The following MRPS28 variants were observed in gnomAD, a reference collection of about 807,000 sequenced individuals.
MRPS28 encodes the protein small ribosomal subunit protein bS1m.
MRPS28 carries 7 observed loss-of-function variants against 10.8 expected under a neutral mutation model. That is an observed-to-expected ratio of 0.65 (90% CI 0.37 to 1.22). The LOEUF (loss-of-function observed/expected upper bound fraction) is 1.22, where lower values mean the gene tolerates loss of function less well. Among genes scored for constraint, MRPS28 ranks in the 50% most tolerant of loss-of-function variants. MRPS28 has a pLI of 0.02. For synonymous variants in MRPS28, 121 were observed against 93.3 expected, an observed-to-expected ratio of 1.30 and a Z score of -1.71; for missense variants, 265 against 232.9, an observed-to-expected ratio of 1.14 and a Z score of -0.90.
chr8:79,993,364 A>C (rs1808416634), intron 2 of MRPS28, among the ~76,000 whole-genome samples: 2 of 152,196 alleles, frequency 1.3e-5, no homozygotes, highest in Admixed American at 1.3e-4. Flanking sequence ...GGAATGATAG[A>C]GCTATACATA....
chr8:79,923,437 T>C (rs1586036723), intron 2 of MRPS28, among the ~76,000 whole-genome samples: 1 of 152,330 alleles, frequency 6.6e-6, no homozygotes, highest in South Asian at 2.1e-4. Context: ...ATTGCTGCTA[T>C]TCAACTCATT....
Position 79,922,146 on chromosome 8 carries a change from T to G in MRPS28, c.396-2998A>C, listed in dbSNP as rs143038719. On this transcript the variant is annotated intron_variant, in intron 2 of 2. Coordinates refer to ENST00000276585, the MANE Select transcript of MRPS28 (RefSeq NM_014018.3). ...TACGAAAGCAAAATGGAAAAATGTC[T>G]AAGTGTAAAGTACTCAGTATTTGGG... 5.5e-3 allele frequency among the ~76,000 whole-genome samples: 832 copies of G among 152,312 alleles called. 5 individuals carry two copies. The highest frequency in any genetic ancestry group is 0.019 in the African/African-American group (770 of 41,572).
chr8:80,007,214 T>A lies in MRPS28; in HGVS notation c.214-4034A>T, dbSNP rs563605638. 2.4e-4 allele frequency among the ~76,000 whole-genome samples: 36 copies of A among 152,248 alleles called. No homozygotes were observed. In the South Asian group the frequency reaches 5.2e-3, roughly 22 times the overall value. ...GATGCAGAAAAGGCCTTTGACAAAA[T>A]TCAACAACCCTTCATGCTAAAAACT... On this transcript the variant is annotated intron_variant, in intron 1 of 2. Coordinates refer to ENST00000276585, the MANE Select transcript of MRPS28 (RefSeq NM_014018.3).
At chr8:79,919,210 T>A in intron 2 of MRPS28, 62 bp from the exon 3 acceptor site, 2 of 1,279,880 alleles carry the variant, frequency 1.6e-6, no homozygotes, top group Non-Finnish European at 2.1e-6. Flanking sequence ...ACAACTAGTT[T>A]AATAACAACA....
At chr8:80,003,224 A>T in intron 1 of MRPS28, 44 bp from the exon 2 acceptor site, 2 of 1,306,424 alleles carry the variant, frequency 1.5e-6, no homozygotes, top group Non-Finnish European at 2.0e-6. Flanking sequence ...ACTCAACATG[A>T]AGGTATAATA....
At chr8:79,981,036 A>T (rs1807938564) in intron 2 of MRPS28, among the ~76,000 whole-genome samples, 1 of 152,176 alleles carries the variant, frequency 6.6e-6, no homozygotes, top group Non-Finnish European at 1.5e-5. Context: ...GAGCTTTAAA[A>T]ATTCATGCTG....
intron 2 of MRPS28, among the ~76,000 whole-genome samples, chr8:79,964,773 A>G (rs1171741591): frequency 6.6e-6 from 1 of 152,158 alleles, no homozygotes; most frequent in Non-Finnish European, 1.5e-5. Context: ...CCATGTGAGC[A>G]TTCAATAAAT....
intron 1 of MRPS28, among the ~76,000 whole-genome samples, chr8:80,020,247 C>T (rs1229076584): frequency 2.6e-5 from 4 of 152,148 alleles, no homozygotes; most frequent in Admixed American, 2.6e-4. Context: ...TCAGAGAAAA[C>T]AGATTGTAAA....
chr8:79,941,597 C>T (rs550194265), intron 2 of MRPS28, among the ~76,000 whole-genome samples: 1 of 152,280 alleles, frequency 6.6e-6, no homozygotes, highest in South Asian at 2.1e-4. Context: ...CCTTCTCAAT[C>T]AACATGCTGC....
intron 2 of MRPS28, among the ~76,000 whole-genome samples, chr8:79,940,956 A>G (rs1806751365): frequency 6.6e-6 from 1 of 152,212 alleles, no homozygotes; most frequent in Non-Finnish European, 1.5e-5. Context: ...CCTAAAAGGA[A>G]GCCATCATTT....
chr8:79,955,691 T>C (rs1184429686), intron 2 of MRPS28, among the ~76,000 whole-genome samples: 2 of 152,152 alleles, frequency 1.3e-5, no homozygotes, highest in Non-Finnish European at 2.9e-5. Context: ...GCCACTTATG[T>C]AGCACTATGC....
At chr8:79,919,825 T>C (rs1225694060) in intron 2 of MRPS28, among the ~76,000 whole-genome samples, 5 of 152,160 alleles carry the variant, frequency 3.3e-5, no homozygotes, top group East Asian at 1.9e-4. Context: ...CACTTTAAGT[T>C]TTAGGGTACA....
intron 2 of MRPS28, among the ~76,000 whole-genome samples, chr8:79,942,204 G>A (rs936150434): frequency 5.9e-5 from 9 of 152,122 alleles, no homozygotes; most frequent in African/African-American, 2.2e-4. Flanking sequence ...TAGTCCAAGA[G>A]GAAAGTGGAA....
intron 2 of MRPS28, among the ~76,000 whole-genome samples, chr8:79,952,301 T>C (rs752529913): frequency 3.4e-4 from 51 of 152,180 alleles, no homozygotes; most frequent in Non-Finnish European, 3.7e-4. Flanking sequence ...CAAGGAATAT[T>C]AGAAAGAAAA....
chr8:79,952,096 A>C (rs1807094053), intron 2 of MRPS28, among the ~76,000 whole-genome samples: 1 of 152,228 alleles, frequency 6.6e-6, no homozygotes, highest in South Asian at 2.1e-4. Context: ...AAGAATGCCC[A>C]TTCCTTTAAG....
chr8:79,983,027 T>C (rs528089155), intron 2 of MRPS28, among the ~76,000 whole-genome samples: 473 of 145,194 alleles, frequency 3.3e-3, no homozygotes, highest in Middle Eastern at 0.018. Flanking sequence ...CACCCCCCAG[T>C]AGGGGCAGAC....
intron 1 of MRPS28, 79 bp downstream of exon 1, chr8:80,029,957 C>A: frequency 6.5e-7 from 1 of 1,546,634 alleles, no homozygotes; most frequent in Admixed American, 1.9e-5. Context: ...CTAAGCCAGG[C>A]TCCGCCCCTA....
At chr8:80,012,949 A>G (rs1586096771) in intron 1 of MRPS28, among the ~76,000 whole-genome samples, 1 of 152,224 alleles carries the variant, frequency 6.6e-6, no homozygotes, top group East Asian at 1.9e-4. Flanking sequence ...AACTACCTCA[A>G]GTTTTACATG....
chr8:80,007,407 G>A (rs139125085), intron 1 of MRPS28, among the ~76,000 whole-genome samples: 76 of 152,270 alleles, frequency 5.0e-4, no homozygotes, highest in African/African-American at 1.6e-3. Context: ...ACACAGTGTT[G>A]GAAGTTCTAG....
Sources: allele counts gnomAD v4.1 joint callset (sites outside exome capture counted in the v4.1 genomes callset), GRCh38; gene constraint gnomAD v4.1.1; transcripts MANE v1.5; gene names NCBI Gene and HGNC (gene_info 2026-07-23, HGNC 2026-07-21).